KLC4: variants seen among roughly 807,000 people sequenced by gnomAD.
KLC4 encodes the protein kinesin light chain 4, also known as kinesin-like protein 8.
In KLC4, 49 loss-of-function variants were observed where a neutral mutation model predicts 77.2. The ratio of observed to expected loss-of-function variants is 0.63; its 90% confidence interval spans 0.50 to 0.80. The LOEUF is 0.80. Among genes scored for constraint, KLC4 ranks in the 30% least tolerant of loss-of-function variants. The probability of loss-of-function intolerance (pLI) is 0.00; values close to 1 mark genes in which losing one functional copy is unlikely to be tolerated. For missense variants in KLC4, 669 were observed against 793.5 expected (o/e 0.84, Z 1.89); for synonymous variants, 274 against 314.5 (o/e 0.87, Z 1.36).
chr6:43,072,114 T>C, intron 11 of KLC4, 33 bp from the exon 12 acceptor site: 1 of 1,562,332 alleles, frequency 6.4e-7, no homozygotes, highest in Non-Finnish European at 8.8e-7. Flanking sequence ...GAACTCATTC[T>C]CTCTTCCTTC....
chr6:43,060,297 C>T (rs371462286), intron 1 of KLC4: 1 of 1,613,064 alleles, frequency 6.2e-7, no homozygotes, highest in Admixed American at 1.7e-5. Context: ...GGTTAAGTCT[C>T]TCTCTCTCAT....
chr6:43,066,659 GCTT>G, intron 5 of KLC4, 134 bp downstream of exon 5: 1 of 729,844 alleles, frequency 1.4e-6, no homozygotes. Context: ...CCAACAGGGT[GCTT>G]CTTTATGTGC....
rs768761968 is a variant in KLC4, at chr6:43,073,328, C to T, written c.1735C>T (p.Arg579Trp). 2.4e-5 allele frequency: 39 copies of T among 1,611,976 alleles called. No homozygotes were observed. Among genetic ancestry groups the T allele is most frequent in the Admixed American group, 5.0e-5 (3 of 59,972 alleles). ...GAGGAAGCTCCAGGGGACTGAGCCTCGGCCCTCCAGGTATACATGGAAGTC... is the reference window on the plus strand; with the variant it reads ...GAGGAAGCTCCAGGGGACTGAGCCTTGGCCCTCCAGGTATACATGGAAGTC... ...LVRKLQGTEP[R>W]PSSSNMKRAA... The change falls in exon 14 of 16, where the codon CGG becomes TGG. Residue 579 changes from arginine to tryptophan, a missense_variant. Coordinates refer to ENST00000347162, the MANE Select transcript of KLC4 (RefSeq NM_201521.3).
chr6:43,071,990 C>T, intron 11 of KLC4, 68 bp downstream of exon 11: 4 of 1,498,382 alleles, frequency 2.7e-6, no homozygotes. Flanking sequence ...CCCAGCCTCC[C>T]AGACCTTTTC....
intron 9 of KLC4, 54 bp downstream of exon 9, chr6:43,071,428 C>A: frequency 6.4e-7 from 1 of 1,558,978 alleles, no homozygotes. Context: ...AAATTCAGAC[C>A]AAAGGTCGGG....
At chr6:43,071,127 T>TGA in intron 8 of KLC4, 148 bp from the exon 9 acceptor site, 1 of 637,972 alleles carries the variant, frequency 1.6e-6, no homozygotes, top group Non-Finnish European at 2.7e-6. Context: ...GAAGGAGGTG[T>TGA]GAGAAAGATC....
chr6:43,070,469 C>T lies in KLC4; in HGVS notation c.981+14C>T, dbSNP rs1222227029. On this transcript the variant is annotated intron_variant, in intron 7 of 15. Transcript: ENST00000347162. ...ATTCGAGAAAAGGTACCCATGCCCT[C>T]TCTCCCTTCTTCTCTTGTCGCTGTG... 2.5e-6 allele frequency: 4 copies of T among 1,582,096 alleles called. No individual in the cohort carries two copies. The highest frequency in any genetic ancestry group is 1.1e-5 in the South Asian group (1 of 90,364).
rs1216942685 is a variant in KLC4 at position 43,073,310 on chromosome 6, C to T, written c.1717C>T (p.Leu573Phe). 2 of 1,613,856 alleles carry T rather than the reference C, an allele frequency of 1.2e-6. No individual in the cohort carries two copies. Among genetic ancestry groups the T allele is most frequent in the Non-Finnish European group, 1.7e-6 (2 of 1,179,874 alleles). The change falls in exon 14 of 16, where the codon CTC (leucine) becomes TTC (phenylalanine). Residue 573 changes from leucine to phenylalanine, a missense_variant. Coordinates refer to ENST00000347162, the MANE Select transcript of KLC4 (RefSeq NM_201521.3). ...AAGCAGTGAACTCTTGGTGAGGAAG[C>T]TCCAGGGGACTGAGCCTCGGCCCTC... ...RRSSELLVRK[L>F]QGTEPRPSSS...
chr6:43,073,524 G>C, intron 14 of KLC4, 186 bp downstream of exon 14: 1 of 540,244 alleles, frequency 1.9e-6, no homozygotes, highest in Non-Finnish European at 3.3e-6. Flanking sequence ...GCAGGTGCCT[G>C]TAATCTCAGC....
chr6:43,060,114 C>A, intron 1 of KLC4: 1 of 1,571,910 alleles, frequency 6.4e-7, no homozygotes, highest in South Asian at 1.2e-5. Context: ...TTCAGCAGAC[C>A]TCCCATTCTT....
intron 7 of KLC4, 42 bp from the exon 8 acceptor site, chr6:43,070,650 A>G: frequency 1.9e-6 from 3 of 1,584,922 alleles, no homozygotes; most frequent in Non-Finnish European, 2.6e-6. Flanking sequence ...GTGCACACAC[A>G]TGTTATCATA....
intron 1 of KLC4, 24 bp from the exon 2 acceptor site, chr6:43,061,287 C>G (rs776981567): frequency 7.1e-5 from 114 of 1,598,056 alleles, no homozygotes; most frequent in Non-Finnish European, 9.4e-5. Flanking sequence ...TTTACACCAG[C>G]TGAACTCTGT....
At chr6:43,072,695 G>T in intron 12 of KLC4, 129 bp from the exon 13 acceptor site, 1 of 777,364 alleles carries the variant, frequency 1.3e-6, no homozygotes. Flanking sequence ...TATTATTCCA[G>T]TAGGTATAAA....
chr6:43,061,613 G>A lies in KLC4; in HGVS notation c.258+20G>A, dbSNP rs370404346. 13 of 1,599,458 alleles carry A rather than the reference G, an allele frequency of 8.1e-6. No homozygotes were observed. In the African/African-American group the frequency reaches 9.4e-5, roughly 12 times the overall value. On this transcript the variant is annotated intron_variant, in intron 2 of 15. Transcript: ENST00000347162. ...GCCCAGGTGAGAGGGCAAAGGTGGT[G>A]CCAAGTGGTCCAGGGTGGATGGAGG... is the stretch of plus-strand genomic sequence containing the variant.
intron 10 of KLC4, 85 bp downstream of exon 10, chr6:43,071,704 C>T (rs1765740004): frequency 2.0e-6 from 3 of 1,488,252 alleles, no homozygotes; most frequent in Non-Finnish European, 2.8e-6. Flanking sequence ...CCAACTCTCA[C>T]TTCCCATCCC....
rs1192149773 is a variant in KLC4 at position 43,065,705 on chromosome 6, A to G, written c.571+4A>G. The G allele has an allele frequency of 6.2e-7, 1 of 1,608,516 alleles. No individual in the cohort carries two copies. The highest frequency in any genetic ancestry group is 8.5e-7 in the Non-Finnish European group (1 of 1,175,434). ...GAAGAGGACCCCAGCAATGGCTGTGAGTCTGCCTCTGGAATGGGAGGGTGA... is the reference window on the plus strand; with the variant it reads ...GAAGAGGACCCCAGCAATGGCTGTGGGTCTGCCTCTGGAATGGGAGGGTGA... On this transcript the variant is annotated splice_donor_region_variant and intron_variant, in intron 4 of 15. Coordinates refer to ENST00000347162, the MANE Select transcript of KLC4 (RefSeq NM_201521.3).
chr6:43,070,264 T>C (rs1765651312), intron 6 of KLC4, 90 bp from the exon 7 acceptor site: 1 of 808,044 alleles, frequency 1.2e-6, no homozygotes, highest in East Asian at 2.5e-5. Context: ...GTGCAGTGAG[T>C]GTTGGGCCCT....
At chr6:43,065,235 C>T (rs1256768511) in intron 3 of KLC4, among the ~76,000 whole-genome samples, 1 of 152,074 alleles carries the variant, frequency 6.6e-6, no homozygotes, top group Non-Finnish European at 1.5e-5. Flanking sequence ...CCACCACGCC[C>T]GGCTAATTTT....
chr6:43,065,569 G>T (rs1765377153), intron 3 of KLC4, 51 bp from the exon 4 acceptor site: 7 of 1,253,626 alleles, frequency 5.6e-6, no homozygotes, highest in Non-Finnish European at 8.2e-6. Context: ...CACTGAGAAG[G>T]CTACTAGGTA....
Sources: allele counts gnomAD v4.1 joint callset (sites outside exome capture counted in the v4.1 genomes callset), GRCh38; gene constraint gnomAD v4.1.1; transcripts MANE v1.5; gene names NCBI Gene and HGNC (gene_info 2026-07-23, HGNC 2026-07-21).